The following SLC8A1 variants were observed in gnomAD, a reference collection of about 807,000 sequenced individuals.
SLC8A1 encodes the protein solute carrier family 8 member A1, also known as sodium/calcium exchanger 1.
Under a neutral mutation model 68.3 loss-of-function variants are expected in SLC8A1, and 18 were observed. The ratio of observed to expected loss-of-function variants is 0.26; its 90% CI spans 0.18 to 0.39. The LOEUF (loss-of-function observed/expected upper bound fraction) is 0.39, where lower values mean the gene tolerates loss of function less well. Ranked by LOEUF, SLC8A1 falls within the 10% of genes least tolerant of loss-of-function variation. SLC8A1 has a pLI of 1.00. For missense variants in SLC8A1, 985 were observed against 1,156.7 expected, an observed-to-expected ratio of 0.85 and a Z score of 2.15; for synonymous variants, 475 against 415.5, an observed-to-expected ratio of 1.14 and a Z score of -1.74.
chr2:40,251,758 A>G (rs2062790280), intron 2 of SLC8A1: 1 of 152,188 alleles, frequency 6.6e-6, no homozygotes. Context: ...ACCATTTAAT[A>G]AGTAAATACA....
intron 6 of SLC8A1, among the ~76,000 whole-genome samples, chr2:40,159,462 A>G (rs2045263584): frequency 6.6e-6 from 1 of 152,202 alleles, no homozygotes; most frequent in African/African-American, 2.4e-5. Flanking sequence ...TAATGTTTTA[A>G]TTCTAATATG....
chr2:40,116,927 C>T (rs567680065), intron 7 of SLC8A1: 1 of 152,302 alleles, frequency 6.6e-6, no homozygotes, highest in East Asian at 1.9e-4. Flanking sequence ...ACTTCAAATC[C>T]TGCCTTCGCA....
intron 2 of SLC8A1, among the ~76,000 whole-genome samples, chr2:40,201,444 T>G (rs1450112297): frequency 6.6e-6 from 1 of 151,946 alleles, no homozygotes; most frequent in Non-Finnish European, 1.5e-5. Context: ...AATGTTTGTT[T>G]TGAGGAGAAA....
intron 2 of SLC8A1, among the ~76,000 whole-genome samples, chr2:40,356,998 T>C (rs1361854955): frequency 6.6e-6 from 1 of 152,058 alleles, no homozygotes; most frequent in Non-Finnish European, 1.5e-5. Context: ...GTATTCAGAG[T>C]ATAATTCTAA....
chr2:40,253,592 G>A (rs1017631856), intron 2 of SLC8A1, among the ~76,000 whole-genome samples: 2 of 152,066 alleles, frequency 1.3e-5, no homozygotes, highest in East Asian at 1.9e-4. Flanking sequence ...TTGGGAGGCC[G>A]AGGCAGGCGG....
chr2:40,490,089 A>T (rs1286625263), intron 1 of SLC8A1, among the ~76,000 whole-genome samples: 3 of 152,128 alleles, frequency 2.0e-5, no homozygotes, highest in Non-Finnish European at 4.4e-5. Context: ...AGCATATGTA[A>T]GATTTTCTTC....
At chr2:40,255,817 C>A (rs555492475) in intron 2 of SLC8A1, among the ~76,000 whole-genome samples, 1 of 152,166 alleles carries the variant, frequency 6.6e-6, no homozygotes, top group Non-Finnish European at 1.5e-5. Flanking sequence ...AAATGATATA[C>A]TTGTCACATC....
In SLC8A1 at chr2:40,184,704, G is replaced by A. The variant is rs576685404; in HGVS notation, c.1809-6849C>T. 9.1e-4 allele frequency among the ~76,000 whole-genome samples: 139 copies of A among 152,100 alleles called. 1 individual carries two copies. Among genetic ancestry groups the A allele is most frequent in the African/African-American group, 3.2e-3 (133 of 41,506 alleles). On this transcript the variant is annotated intron_variant, in intron 2 of 7. Transcript: ENST00000406785. ...AGCCATGTCAATGAAGGGCCATGTC[G>A]GGAACTGGAACTTTCCCACATGTAA...
At chr2:40,280,570 T>C (rs540776904) in intron 2 of SLC8A1, among the ~76,000 whole-genome samples, 1 of 152,322 alleles carries the variant, frequency 6.6e-6, no homozygotes, top group South Asian at 2.1e-4. Flanking sequence ...TTATTAATCA[T>C]TTTCTTTGAA....
At chr2:40,316,093 A>G (rs896611892) in intron 2 of SLC8A1, among the ~76,000 whole-genome samples, 3 of 152,096 alleles carry the variant, frequency 2.0e-5, no homozygotes, top group Non-Finnish European at 4.4e-5. Flanking sequence ...TCTGTCGACA[A>G]GACAACCTCT....
intron 1 of SLC8A1, among the ~76,000 whole-genome samples, chr2:40,484,020 G>C (rs1221083875): frequency 6.6e-6 from 1 of 152,170 alleles, no homozygotes; most frequent in Non-Finnish European, 1.5e-5. Flanking sequence ...TATTGAGAAT[G>C]CTGACCTCAA....
intron 2 of SLC8A1, among the ~76,000 whole-genome samples, chr2:40,404,944 C>T (rs1689862749): frequency 6.6e-6 from 1 of 152,100 alleles, no homozygotes; most frequent in Non-Finnish European, 1.5e-5. Context: ...TGGGTAATAG[C>T]AATTATTTCT....
At chr2:40,342,862 C>T (rs1471989148) in intron 2 of SLC8A1, among the ~76,000 whole-genome samples, 6 of 151,986 alleles carry the variant, frequency 3.9e-5, no homozygotes, top group African/African-American at 9.7e-5. Flanking sequence ...ATAGAGTATT[C>T]GGGGTTCTTG....
At chr2:40,154,974 C>T (rs1175136720) in intron 6 of SLC8A1, among the ~76,000 whole-genome samples, 1 of 152,026 alleles carries the variant, frequency 6.6e-6, no homozygotes, top group Non-Finnish European at 1.5e-5. Context: ...GAACCTCAGT[C>T]AACATATGAT....
At chr2:40,258,150 T>C (rs537773739) in intron 2 of SLC8A1, among the ~76,000 whole-genome samples, 2 of 152,172 alleles carry the variant, frequency 1.3e-5, no homozygotes, top group South Asian at 2.1e-4. Flanking sequence ...TAAAGAAAAA[T>C]CTCTAAACAG....
intron 2 of SLC8A1, among the ~76,000 whole-genome samples, chr2:40,396,420 G>A (rs62149402): frequency 0.051 from 7,690 of 152,166 alleles, 254 homozygotes; most frequent in Non-Finnish European, 0.078. Context: ...TCTGCTGCCA[G>A]TAATAATAGT....
At chr2:40,162,854 A>C (rs144015410) in intron 5 of SLC8A1, among the ~76,000 whole-genome samples, 1,936 of 152,272 alleles carry the variant, frequency 0.013, 16 homozygotes, top group Non-Finnish European at 0.019. Context: ...AGTAAATAAG[A>C]ACTCAGTGGG....
At chr2:40,270,336 C>A (rs1364713528) in intron 2 of SLC8A1, among the ~76,000 whole-genome samples, 1 of 152,194 alleles carries the variant, frequency 6.6e-6, no homozygotes, top group African/African-American at 2.4e-5. Context: ...ACAATTGGTG[C>A]AAAACAATGC....
At chr2:40,400,047 A>T (rs1688226178) in intron 2 of SLC8A1, among the ~76,000 whole-genome samples, 1 of 152,188 alleles carries the variant, frequency 6.6e-6, no homozygotes. Context: ...TTAACAGTGC[A>T]TGCAGCCCCC....
Sources: gnomAD v4.1 joint callset for allele counts (sites outside exome capture counted in the v4.1 genomes callset) on GRCh38, gnomAD v4.1.1 for gene constraint, MANE v1.5 for transcripts, NCBI Gene and HGNC (gene_info 2026-07-23, HGNC 2026-07-21) for gene names.